Variants in CTNNA2 observed in about 807,000 individuals in gnomAD.
CTNNA2 encodes the protein catenin alpha-2.
CTNNA2 carries 42 observed loss-of-function variants against 101.0 expected under a neutral mutation model. That is an observed-to-expected ratio of 0.42 (90% CI 0.32 to 0.54). CTNNA2 has a LOEUF of 0.54. CTNNA2 is among the 20% of genes least tolerant of loss of function. CTNNA2 has a pLI of 0.14. For missense variants in CTNNA2, 871 were observed against 1,223.1 expected, an observed-to-expected ratio of 0.71 and a Z score of 4.29; for synonymous variants, 450 against 456.4, an observed-to-expected ratio of 0.99 and a Z score of 0.18.
chr2:80,384,595 C>T (rs1256708370), intron 7 of CTNNA2, among the ~76,000 whole-genome samples: 1 of 151,356 alleles, frequency 6.6e-6, no homozygotes, highest in Non-Finnish European at 1.5e-5. Context: ...GAGATCTCCA[C>T]TGTGGTGAGT....
At chr2:80,012,220 G>A (rs1267587455) in intron 7 of CTNNA2, among the ~76,000 whole-genome samples, 1 of 152,148 alleles carries the variant, frequency 6.6e-6, no homozygotes, top group Non-Finnish European at 1.5e-5. Context: ...AAACACATGA[G>A]GGTTCGATGG....
At chr2:80,212,260 T>C (rs1055664655) in intron 7 of CTNNA2, among the ~76,000 whole-genome samples, 4 of 152,202 alleles carry the variant, frequency 2.6e-5, no homozygotes, top group Admixed American at 6.5e-5. Context: ...TTATGTTGAA[T>C]AGAAGTGGTG....
intron 11 of CTNNA2, among the ~76,000 whole-genome samples, chr2:80,547,639 A>T (rs1169526292): frequency 6.7e-6 from 1 of 149,092 alleles, no homozygotes; most frequent in Non-Finnish European, 1.5e-5. Flanking sequence ...TTTAAATATC[A>T]CCATATCTAG....
At chr2:79,423,376 A>C (rs1678558555) in intron 4 of CTNNA2, among the ~76,000 whole-genome samples, 1 of 152,192 alleles carries the variant, frequency 6.6e-6, no homozygotes, top group Non-Finnish European at 1.5e-5. Flanking sequence ...ACACCACATC[A>C]AAACAAATGG....
chr2:80,012,792 A>G (rs973615720), intron 7 of CTNNA2, among the ~76,000 whole-genome samples: 2 of 152,226 alleles, frequency 1.3e-5, no homozygotes, highest in African/African-American at 4.8e-5. Context: ...TCATGAGAAT[A>G]GATAAAATAA....
intron 1 of CTNNA2, among the ~76,000 whole-genome samples, chr2:79,600,624 A>G (rs1164642967): frequency 6.6e-6 from 1 of 152,180 alleles, no homozygotes; most frequent in Non-Finnish European, 1.5e-5. Context: ...TAACAATGAA[A>G]TATCCTTTTC....
chr2:80,034,526 G>T (rs1454384434), intron 7 of CTNNA2, among the ~76,000 whole-genome samples: 1 of 151,626 alleles, frequency 6.6e-6, no homozygotes, highest in Admixed American at 6.6e-5. Context: ...GCTAATTTTT[G>T]TATTTTTATT....
At chr2:79,537,361 T>G (rs2103969206) in intron 1 of CTNNA2, among the ~76,000 whole-genome samples, 1 of 152,362 alleles carries the variant, frequency 6.6e-6, no homozygotes, top group South Asian at 2.1e-4. Context: ...TCATGCTCAG[T>G]TCCTGCACTC....
chr2:80,547,019 G>T (rs1156496724), intron 11 of CTNNA2, among the ~76,000 whole-genome samples: 1 of 152,222 alleles, frequency 6.6e-6, no homozygotes, highest in African/African-American at 2.4e-5. Flanking sequence ...GGGAGACATT[G>T]CATCACTGTT....
intron 1 of CTNNA2, among the ~76,000 whole-genome samples, chr2:79,539,945 A>G (rs534021406): frequency 4.1e-4 from 63 of 152,270 alleles, no homozygotes; most frequent in African/African-American, 1.3e-3. Context: ...TGTCACGTGC[A>G]TTAAGAAAAC....
intron 4 of CTNNA2, among the ~76,000 whole-genome samples, chr2:79,456,881 G>A (rs1031341861): frequency 6.6e-6 from 1 of 152,130 alleles, no homozygotes; most frequent in Non-Finnish European, 1.5e-5. Flanking sequence ...CAAATAGAGT[G>A]AAAACAGGAC....
At chr2:79,594,525 A>T (rs1052769241) in intron 1 of CTNNA2, among the ~76,000 whole-genome samples, 2 of 152,230 alleles carry the variant, frequency 1.3e-5, no homozygotes, top group Non-Finnish European at 2.9e-5. Flanking sequence ...ACATAGTAGG[A>T]ACTTTGTAAG....
chr2:79,946,464 G>T (rs1316203562), intron 7 of CTNNA2, among the ~76,000 whole-genome samples: 1 of 152,142 alleles, frequency 6.6e-6, no homozygotes, highest in Non-Finnish European at 1.5e-5. Context: ...CCATGAAGGA[G>T]ATTTTTCAAG....
At chr2:80,290,841 A>G (rs540815344) in intron 7 of CTNNA2, among the ~76,000 whole-genome samples, 1 of 152,276 alleles carries the variant, frequency 6.6e-6, no homozygotes, top group South Asian at 2.1e-4. Context: ...AGGGAGGGAA[A>G]GAAAAAATGA....
chr2:80,062,873 T>G (rs753740936), intron 7 of CTNNA2, among the ~76,000 whole-genome samples: 7 of 151,938 alleles, frequency 4.6e-5, no homozygotes, highest in Non-Finnish European at 7.4e-5. Flanking sequence ...ACCTGGCTAA[T>G]TTTTTGTATT....
chr2:80,155,624 A>G (rs751009893), intron 7 of CTNNA2, among the ~76,000 whole-genome samples: 7 of 152,048 alleles, frequency 4.6e-5, no homozygotes, highest in Non-Finnish European at 8.8e-5. Flanking sequence ...AGAAAATGGG[A>G]TATCAGGGAG....
intron 7 of CTNNA2, among the ~76,000 whole-genome samples, chr2:80,119,355 C>A (rs928841077): frequency 2.6e-5 from 4 of 152,112 alleles, no homozygotes; most frequent in African/African-American, 9.7e-5. Flanking sequence ...GGAAGAAATG[C>A]AGAGGGACAG....
intron 4 of CTNNA2, 93 bp from the exon 5 acceptor site, chr2:79,869,721 GTT>G (rs1396758463): frequency 6.7e-7 from 1 of 1,492,646 alleles, no homozygotes; most frequent in African/African-American, 1.4e-5. Context: ...ACATACTAGT[GTT>G]TTAGAGTTTT....
At chr2:79,835,666 G>GTTTTTTTTTTTTTTTTTTTTTTTT (rs70940048) in intron 3 of CTNNA2, among the ~76,000 whole-genome samples, 2 of 58,618 alleles carry the variant, frequency 3.4e-5, no homozygotes, top group African/African-American at 7.3e-5. Context: ...GCCTCTCTTT[G>GTTTTTTTTTTTTTTTTTTTTTTTT]TTTTTTTTTT....
Sources: gnomAD v4.1 joint callset for allele counts (sites outside exome capture counted in the v4.1 genomes callset) on GRCh38, gnomAD v4.1.1 for gene constraint, MANE v1.5 for transcripts, NCBI Gene and HGNC (gene_info 2026-07-23, HGNC 2026-07-21) for gene names.